Variants in TEK observed in about 807,000 individuals in gnomAD.
TEK encodes the protein TEK receptor tyrosine kinase, also known as angiopoietin-1 receptor.
TEK carries 43 observed loss-of-function variants against 131.8 expected under a neutral mutation model. That is an observed-to-expected ratio of 0.33 (90% CI 0.26 to 0.42). The LOEUF is 0.42. Ranked by LOEUF, TEK falls within the 10% of genes least tolerant of loss-of-function variation. TEK has a pLI of 1.00. For synonymous variants in TEK, 580 were observed against 491.6 expected, an observed-to-expected ratio of 1.18 and a Z score of -2.38; for missense variants, 1,162 against 1,384.4, an observed-to-expected ratio of 0.84 and a Z score of 2.55.
intron 1 of TEK, among the ~76,000 whole-genome samples, chr9:27,127,340 A>G (rs1371142978): frequency 1.3e-5 from 2 of 152,208 alleles, no homozygotes; most frequent in African/African-American, 4.8e-5. Context: ...ATTCCATGGT[A>G]TATATGTGCC....
intron 1 of TEK, among the ~76,000 whole-genome samples, chr9:27,155,925 C>T (rs762102030): frequency 6.6e-6 from 1 of 151,858 alleles, no homozygotes; most frequent in Admixed American, 6.6e-5. Flanking sequence ...GTCTCAGCCT[C>T]CCGAGTAGCT....
rs912367488 is a variant in TEK at position 27,175,065 on chromosome 9, C to A, written c.901+1703C>A. ...GGTTAGTTACATATGTATACATGTG[C>A]CATGCTGGTGTGCTGCACCCATCAA... On this transcript the variant is annotated intron_variant, in intron 6 of 22. Coordinates refer to ENST00000380036, the MANE Select transcript of TEK (RefSeq NM_000459.5). Among the ~76,000 whole-genome samples the A allele has an allele frequency of 9.5e-4, 142 of 149,144 alleles. 1 individual carries two copies. The highest frequency in any genetic ancestry group is 3.4e-3 in the African/African-American group (138 of 40,500).
At chr9:27,111,838 A>G (rs1821359588) in intron 1 of TEK, among the ~76,000 whole-genome samples, 1 of 152,088 alleles carries the variant, frequency 6.6e-6, no homozygotes, top group Non-Finnish European at 1.5e-5. Context: ...CGTGATCAAC[A>G]ATGATCTAAT....
intron 4 of TEK, among the ~76,000 whole-genome samples, chr9:27,170,959 C>A (rs1190300796): frequency 6.6e-6 from 1 of 152,144 alleles, no homozygotes; most frequent in Admixed American, 6.5e-5. Context: ...CTCACTGAAA[C>A]GTGTCTGCTC....
chr9:27,137,948 A>C (rs989734069), intron 1 of TEK, among the ~76,000 whole-genome samples: 3 of 151,992 alleles, frequency 2.0e-5, no homozygotes, highest in African/African-American at 4.8e-5. Context: ...GTTCCTTCAG[A>C]TGTGTCTGGA....
intron 1 of TEK, among the ~76,000 whole-genome samples, chr9:27,145,365 A>C (rs994611061): frequency 6.6e-6 from 1 of 152,190 alleles, no homozygotes; most frequent in Admixed American, 6.5e-5. Context: ...AGGGAGGGTA[A>C]GCACACAGCA....
chr9:27,202,650 C>G (rs1002810495), intron 12 of TEK, among the ~76,000 whole-genome samples, 170 bp from the exon 13 acceptor site: 11 of 152,200 alleles, frequency 7.2e-5, no homozygotes, highest in African/African-American at 2.7e-4. Context: ...GTCTGTGCCA[C>G]TCTTTCAAGT....
chr9:27,142,951 G>A (rs1822783252), intron 1 of TEK, among the ~76,000 whole-genome samples: 2 of 152,322 alleles, frequency 1.3e-5, no homozygotes, highest in South Asian at 4.1e-4. Context: ...AATGATTTTT[G>A]TAACTATTCG....
At chr9:27,174,900 C>T (rs1482818697) in intron 6 of TEK, among the ~76,000 whole-genome samples, 1 of 152,000 alleles carries the variant, frequency 6.6e-6, no homozygotes, top group Non-Finnish European at 1.5e-5. Context: ...TGCATGCCAG[C>T]AGTCTCTAGA....
chr9:27,216,084 C>T (rs1308515309), intron 18 of TEK, among the ~76,000 whole-genome samples: 1 of 152,120 alleles, frequency 6.6e-6, no homozygotes, highest in Admixed American at 6.5e-5. Flanking sequence ...AGTTAAACTT[C>T]AGGGTTGGAA....
rs1380558586 is a variant in TEK, at chr9:27,109,575, A to G, written c.-16A>G. 1 of 1,614,108 alleles carries G rather than the reference A, an allele frequency of 6.2e-7. No homozygotes were observed. The highest frequency in any genetic ancestry group is 1.1e-5 in the South Asian group (1 of 91,056). On this transcript the variant is annotated 5_prime_UTR_variant, in exon 1 of 23. Transcript: ENST00000380036. ...ATGCACATTTGTGGAAACTGGATGG[A>G]GAGATTTGGGGAAGCATGGACTCTT...
chr9:27,144,853 C>T (rs542654753), intron 1 of TEK, among the ~76,000 whole-genome samples: 3 of 152,060 alleles, frequency 2.0e-5, no homozygotes, highest in East Asian at 1.9e-4. Flanking sequence ...CTGTCCTGTT[C>T]GAGAGGGAAG....
chr9:27,200,286 T>C (rs1315782880), intron 12 of TEK, among the ~76,000 whole-genome samples: 1 of 152,226 alleles, frequency 6.6e-6, no homozygotes, highest in Non-Finnish European at 1.5e-5. Flanking sequence ...AATCACTATT[T>C]CCTATTTCAA....
intron 1 of TEK, among the ~76,000 whole-genome samples, chr9:27,116,846 G>T (rs1821579877): frequency 6.8e-6 from 1 of 146,258 alleles, no homozygotes. Context: ...TGCTGTAGCA[G>T]CCATGGAAAG....
At chr9:27,125,077 C>T (rs934266928) in intron 1 of TEK, among the ~76,000 whole-genome samples, 84 of 152,328 alleles carry the variant, frequency 5.5e-4, no homozygotes, top group African/African-American at 2.0e-3. Flanking sequence ...CATTGTGTTG[C>T]CTGGTCTCCC....
chr9:27,199,074 A>G (rs1420650419), intron 12 of TEK, among the ~76,000 whole-genome samples: 1 of 152,242 alleles, frequency 6.6e-6, no homozygotes, highest in Admixed American at 6.5e-5. Flanking sequence ...TGCTGGAATT[A>G]CAGGCATGAG....
In TEK at chr9:27,209,075, A is replaced by G. The variant is rs774526145; in HGVS notation, c.2576-46A>G. ...GGGCAGGACGGGACAGCTGATTCTG[A>G]AAAGGTGTAACAAAGAAGAATCACA... On this transcript the variant is annotated intron_variant, in intron 15 of 22. Coordinates refer to ENST00000380036, the MANE Select transcript of TEK (RefSeq NM_000459.5). 5.6e-5 allele frequency: 77 copies of G among 1,378,522 alleles called. 2 individuals carry two copies. The Middle Eastern group carries it at 2.6e-3, about 47-fold the overall frequency. 85.4% of individuals were successfully genotyped at this position (1,378,522 alleles called of 1,614,324 possible). A position where few individuals can be genotyped will look rare whatever the true frequency, so the allele number is the denominator to read the frequency against.
intron 2 of TEK, among the ~76,000 whole-genome samples, chr9:27,160,082 G>C (rs1823493973): frequency 7.3e-6 from 1 of 136,848 alleles, no homozygotes; most frequent in Non-Finnish European, 1.5e-5. Flanking sequence ...GAGTGCAGTG[G>C]CACAATTACA....
intron 7 of TEK, among the ~76,000 whole-genome samples, chr9:27,182,462 G>GT (rs1339747079): frequency 6.6e-6 from 1 of 152,042 alleles, no homozygotes; most frequent in African/African-American, 2.4e-5. Flanking sequence ...GAATAACCTT[G>GT]TAAGTATTAG....
Sources: allele counts gnomAD v4.1 joint callset (sites outside exome capture counted in the v4.1 genomes callset), GRCh38; gene constraint gnomAD v4.1.1; transcripts MANE v1.5; gene names NCBI Gene and HGNC (gene_info 2026-07-23, HGNC 2026-07-21).